SNTG2: variants seen among roughly 807,000 people sequenced by gnomAD.
SNTG2 encodes the protein gamma-2-syntrophin.
Under a neutral mutation model 70.9 loss-of-function variants are expected in SNTG2, and 74 were observed. The ratio of observed to expected loss-of-function variants is 1.04; its 90% CI spans 0.86 to 1.27. The LOEUF (loss-of-function observed/expected upper bound fraction) is 1.27, where lower values mean the gene tolerates loss of function less well. SNTG2 is among the 50% of genes most tolerant of loss of function. SNTG2 has a pLI of 0.00. For synonymous variants in SNTG2, 278 were observed against 273.8 expected (o/e 1.02, Z -0.15); for missense variants, 717 against 690.7 (o/e 1.04, Z -0.43).
intron 4 of SNTG2, among the ~76,000 whole-genome samples, chr2:1,113,410 T>C (rs113993523): frequency 3.4e-4 from 51 of 150,848 alleles, no homozygotes; most frequent in African/African-American, 1.1e-3. Context: ...TTAACCACTA[T>C]AGTCCTTTTA....
chr2:1,158,190 A>C (rs1447870263), intron 6 of SNTG2: 1 of 152,248 alleles, frequency 6.6e-6, no homozygotes, highest in Non-Finnish European at 1.5e-5. Flanking sequence ...ATATAATAAA[A>C]GTATCCTGGT....
At chr2:1,147,521 C>T (rs968739690) in intron 6 of SNTG2, among the ~76,000 whole-genome samples, 5 of 152,238 alleles carry the variant, frequency 3.3e-5, no homozygotes, top group Admixed American at 2.0e-4. Context: ...AGCTTTGGAA[C>T]TCAGACTGGC....
chr2:1,330,372 T>C (rs1181145895), intron 16 of SNTG2, among the ~76,000 whole-genome samples: 3 of 152,182 alleles, frequency 2.0e-5, no homozygotes, highest in Admixed American at 6.5e-5. Flanking sequence ...TCAAATCTGA[T>C]CTCACCTGGA....
At position 1,167,043 on chromosome 2, in the gene SNTG2, C is replaced by T. The variant is rs573491788; in HGVS notation, c.499+1408C>T. ...CAAGCTCACGTGGGATCTGATTCTTCTGGTATGCTAAGGCAAGAACCCCGG... is the reference window on the plus strand; with the variant it reads ...CAAGCTCACGTGGGATCTGATTCTTTTGGTATGCTAAGGCAAGAACCCCGG... On this transcript the variant is annotated intron_variant, in intron 7 of 16. Coordinates refer to ENST00000308624, the MANE Select transcript of SNTG2 (RefSeq NM_018968.4). 3.3e-4 allele frequency among the ~76,000 whole-genome samples: 50 copies of T among 152,346 alleles called. 1 individual carries two copies. In the South Asian group the frequency reaches 9.3e-3, roughly 28 times the overall value.
At chr2:1,285,469 C>A (rs1466788025) in intron 14 of SNTG2, among the ~76,000 whole-genome samples, 2 of 152,192 alleles carry the variant, frequency 1.3e-5, no homozygotes, top group African/African-American at 4.8e-5. Flanking sequence ...ATACAACTTT[C>A]CTTGGTAGGA....
At chr2:1,109,329 G>A (rs572298755) in intron 4 of SNTG2, among the ~76,000 whole-genome samples, 3 of 151,968 alleles carry the variant, frequency 2.0e-5, no homozygotes, top group Admixed American at 2.0e-4. Flanking sequence ...CAAAACTTTC[G>A]AAACCGAAGC....
intron 1 of SNTG2, among the ~76,000 whole-genome samples, chr2:1,035,341 G>T (rs1172214583): frequency 6.6e-6 from 1 of 152,188 alleles, no homozygotes; most frequent in East Asian, 1.9e-4. Context: ...GACTGGCAAT[G>T]ATTGTCTGTA....
At chr2:1,221,830 T>C (rs1251421854) in intron 9 of SNTG2, among the ~76,000 whole-genome samples, 1 of 24,850 alleles carries the variant, frequency 4.0e-5, no homozygotes, top group Non-Finnish European at 6.7e-5. Context: ...TGTCTCTCTC[T>C]GTCTCTCTCT....
intron 1 of SNTG2, among the ~76,000 whole-genome samples, chr2:1,070,736 C>G (rs1663477877): frequency 6.6e-6 from 1 of 152,236 alleles, no homozygotes; most frequent in Admixed American, 6.5e-5. Flanking sequence ...AAGGAAGCTT[C>G]TTATCAGCTC....
chr2:1,025,017 CTT>C (rs1660394329), intron 1 of SNTG2, among the ~76,000 whole-genome samples: 2 of 152,188 alleles, frequency 1.3e-5, no homozygotes, highest in African/African-American at 4.8e-5. Flanking sequence ...GATTAGATAA[CTT>C]ATCTAAAAGA....
intron 1 of SNTG2, among the ~76,000 whole-genome samples, chr2:1,081,659 A>G (rs1664304446): frequency 6.6e-6 from 1 of 152,186 alleles, no homozygotes. Flanking sequence ...TGCCCCTTCC[A>G]GAGAGCTGGT....
chr2:1,052,924 C>T (rs1408116238), intron 1 of SNTG2, among the ~76,000 whole-genome samples: 3 of 152,212 alleles, frequency 2.0e-5, no homozygotes, highest in African/African-American at 4.8e-5. Context: ...GTTCAAAACA[C>T]GTTCCAGTTT....
intron 6 of SNTG2, among the ~76,000 whole-genome samples, chr2:1,153,624 T>A (rs1393596612): frequency 6.6e-6 from 1 of 152,218 alleles, no homozygotes; most frequent in African/African-American, 2.4e-5. Flanking sequence ...GTGACTTAAA[T>A]TCTGTGAATT....
chr2:1,350,846 T>C (rs1660535934), intron 16 of SNTG2, among the ~76,000 whole-genome samples: 1 of 152,158 alleles, frequency 6.6e-6, no homozygotes, highest in African/African-American at 2.4e-5. Context: ...GCAAATGATA[T>C]TTTGAGTGAA....
chr2:987,816 TGAG>T (rs1290741003), intron 1 of SNTG2, among the ~76,000 whole-genome samples: 2 of 152,112 alleles, frequency 1.3e-5, no homozygotes, highest in African/African-American at 4.8e-5. Context: ...ACAGGGTTAC[TGAG>T]GAGAAGACTG....
At position 1,168,035 on chromosome 2, in the gene SNTG2, G is replaced by A. The variant is rs1409128371; in HGVS notation, c.499+2400G>A. On this transcript the variant is annotated intron_variant, in intron 7 of 16. Coordinates refer to ENST00000308624, the MANE Select transcript of SNTG2 (RefSeq NM_018968.4). ...TGAAGCCTAGAAGCCGCCCACAGAC[G>A]GCAGAACTGAAACCTACAGGCCGCC... Among the ~76,000 whole-genome samples, 20 of 126,122 alleles carry A rather than the reference G, an allele frequency of 1.6e-4. 1 individual carries two copies. In the East Asian group the frequency reaches 3.8e-3, roughly 24 times the overall value. 82.7% of individuals were successfully genotyped at this position (126,122 alleles called of 152,430 possible).
intron 1 of SNTG2, among the ~76,000 whole-genome samples, chr2:972,666 C>T (rs1421513350): frequency 2.6e-5 from 4 of 152,102 alleles, no homozygotes; most frequent in Non-Finnish European, 5.9e-5. Flanking sequence ...GATGGTTTGG[C>T]ACCATCCCCT....
intron 1 of SNTG2, among the ~76,000 whole-genome samples, chr2:968,630 T>G (rs1318875863): frequency 6.6e-6 from 1 of 152,160 alleles, no homozygotes; most frequent in Non-Finnish European, 1.5e-5. Context: ...ACCTATAGAG[T>G]GGTGCTTTAA....
chr2:1,191,664 G>A lies in SNTG2; in HGVS notation c.592-17439G>A, dbSNP rs575175704. Among the ~76,000 whole-genome samples, 93 of 152,152 alleles carry A rather than the reference G, an allele frequency of 6.1e-4. 1 individual carries two copies. The highest frequency in any genetic ancestry group is 2.2e-3 in the African/African-American group (91 of 41,524). On this transcript the variant is annotated intron_variant, in intron 8 of 16. Coordinates refer to ENST00000308624, the MANE Select transcript of SNTG2 (RefSeq NM_018968.4). ...CAAAAAATTAGCCAGGTGTGGTGGC[G>A]CTCGCCTGTAGTCCCAGCTACTTGG...
Sources: allele counts gnomAD v4.1 joint callset (sites outside exome capture counted in the v4.1 genomes callset), GRCh38; gene constraint gnomAD v4.1.1; transcripts MANE v1.5; gene names NCBI Gene and HGNC (gene_info 2026-07-23, HGNC 2026-07-21).